The following TAF6 variants were observed in gnomAD, a reference collection of about 807,000 sequenced individuals.
TAF6 encodes the protein TATA-box binding protein associated factor 6.
In TAF6, 50 loss-of-function variants were observed where a neutral mutation model predicts 73.5. The observed-to-expected ratio is 0.68, with a 90% CI of 0.54 to 0.86. The LOEUF is 0.86. Among genes scored for constraint, TAF6 ranks in the 40% least tolerant of loss-of-function variants. TAF6 has a pLI of 0.00. For synonymous variants in TAF6, 424 were observed against 376.7 expected, an observed-to-expected ratio of 1.13 and a Z score of -1.45; for missense variants, 768 against 899.5, an observed-to-expected ratio of 0.85 and a Z score of 1.87.
At position 100,113,844 on chromosome 7, in the gene TAF6, C is replaced by G. The variant is rs571732481; in HGVS notation, c.243+24G>C. 2.0e-4 allele frequency: 326 copies of G among 1,612,684 alleles called. 1 individual carries two copies. The highest frequency in any genetic ancestry group is 2.5e-4 in the Non-Finnish European group (294 of 1,179,434). ...GGCTGAAGGATGGCGTCTCACCCCCCCCCCGCCTGTCTCCCCAAATCACCT... is the reference window on the plus strand; with the variant it reads ...GGCTGAAGGATGGCGTCTCACCCCCGCCCCGCCTGTCTCCCCAAATCACCT... On this transcript the variant is annotated intron_variant, in intron 3 of 14. Coordinates refer to ENST00000453269, the MANE Select transcript of TAF6 (RefSeq NM_139315.3).
In TAF6 at chr7:100,108,042, C is replaced by G. The variant is rs374442273; in HGVS notation, c.1540G>C (p.Ala514Pro). The part of the protein sequence containing the change: ...PGLLKVPGSI[A>P]LPVQTLVSAR... ...GACACCAGTGTCTGGACAGGAAGTG[C>G]GATGGAGCCAGGAACCTTCAGCAAG... Residue 514 changes from alanine (A) to proline (P), a missense_variant, in exon 14 of 15, where the codon GCA becomes CCA. By Grantham distance (27) the Ala-to-Pro change is conservative. Around this residue, in one of 5 missense-constraint regions of TAF6, gnomAD observed 350 missense variants for 352.3 expected, o/e 0.99. Coordinates refer to ENST00000453269, the MANE Select transcript of TAF6 (RefSeq NM_139315.3). The G allele has an allele frequency of 8.1e-6, 13 of 1,613,342 alleles. No homozygotes were observed. The highest frequency in any genetic ancestry group is 1.7e-5 in the Admixed American group (1 of 59,860).
chr7:100,123,590 G>A (rs56275746), upstream of TAF6, among the ~76,000 whole-genome samples: 1 of 151,854 alleles, frequency 6.6e-6, no homozygotes, highest in Non-Finnish European at 1.5e-5. Flanking sequence ...GCACCATCTC[G>A]GCTCACCGCG....
chr7:100,122,236 C>A (rs144817219), upstream of TAF6: 34 of 1,613,370 alleles, frequency 2.1e-5, no homozygotes, highest in South Asian at 3.7e-4. Context: ...TACCTCCCCC[C>A]GGACGTTTCT....
upstream of TAF6, among the ~76,000 whole-genome samples, chr7:100,120,653 C>G (rs1329587481): frequency 2.6e-5 from 4 of 152,232 alleles, no homozygotes; most frequent in African/African-American, 9.6e-5. Flanking sequence ...CTCTTCTCCC[C>G]TGACCTGTCA....
upstream of TAF6, chr7:100,121,075 C>T: frequency 1.2e-5 from 1 of 81,954 alleles, no homozygotes; most frequent in African/African-American, 5.1e-5. Flanking sequence ...CTATTATTAT[C>T]CAATTGTATT....
At chr7:100,124,920 G>A in the TAF6 span, 1 of 1,552,194 alleles carries the variant, frequency 6.4e-7, no homozygotes, top group South Asian at 1.3e-5. Flanking sequence ...GAGGGGAAGG[G>A]ATCATGGAGA....
rs1053488951 is a variant in TAF6 at position 100,112,807 on chromosome 7, C to T, written c.565G>A (p.Asp189Asn). 6 of 1,612,688 alleles carry T rather than the reference C, an allele frequency of 3.7e-6. No individual in the cohort carries two copies. In the South Asian group the frequency reaches 4.4e-5, roughly 12 times the overall value. The change falls in exon 6 of 15, where the codon GAC (aspartate) becomes AAC (asparagine). Residue 189 changes from aspartate (D) to asparagine (N), a missense_variant. Asp to Asn is a conservative substitution (Grantham distance 23, BLOSUM62 1). Coordinates refer to ENST00000453269, the MANE Select transcript of TAF6 (RefSeq NM_139315.3). ...GCCTAGGAGGACTGACCTTTGCCGT[C>T]GGCTGTGGTGGCCCCTTGACCTTTG... ...KGKGQGATTA[D>N]GKGKEKKAPP...
chr7:100,118,099 G>A (rs1005861391), intron 1 of TAF6, among the ~76,000 whole-genome samples: 2 of 148,552 alleles, frequency 1.3e-5, no homozygotes, highest in Admixed American at 6.8e-5. Context: ...AGTGGCTCAC[G>A]CCTGTAATTT....
chr7:100,114,494 C>CG (rs889463355), intron 1 of TAF6: 1 of 607,452 alleles, frequency 1.6e-6, no homozygotes, highest in Non-Finnish European at 2.9e-6. Context: ...ACGAGGCGGG[C>CG]GGATCACTTG....
At chr7:100,113,836 TCA>T in intron 3 of TAF6, 30 bp downstream of exon 3, 1 of 1,565,800 alleles carries the variant, frequency 6.4e-7, no homozygotes. Context: ...GGATGGCGTC[TCA>T]CCCCCCCCCC....
At chr7:100,110,747 G>A (rs1471315212) in intron 10 of TAF6, among the ~76,000 whole-genome samples, 1 of 152,204 alleles carries the variant, frequency 6.6e-6, no homozygotes, top group East Asian at 1.9e-4. Context: ...GGAGGCGGAG[G>A]TTGTGGTAAG....
intron 1 of TAF6, chr7:100,118,929 G>C (rs1797910157): frequency 1.0e-6 from 1 of 985,214 alleles, no homozygotes; most frequent in Admixed American, 6.2e-5. Context: ...CCACTTCCCT[G>C]GCGAACTCCT....
rs1018992787 is a variant in TAF6, at chr7:100,110,341, T to G, written c.1084-67A>C. On this transcript the variant is annotated intron_variant, in intron 10 of 14. Transcript: ENST00000453269. The stretch of plus-strand genomic sequence containing the variant: ...AGGATGATTGACAGGGACCTAAGTC[T>G]TTCATAGACACTTTCCTTGTAAATC... 15 of 1,524,014 alleles carry G rather than the reference T, an allele frequency of 9.8e-6. No homozygotes were observed. The African/African-American group carries it at 1.9e-4, about 19-fold the overall frequency. The allele number at this position is 1,524,014 out of a possible 1,614,324, so 94.4% of individuals were successfully genotyped here.
intron 10 of TAF6, among the ~76,000 whole-genome samples, chr7:100,110,670 G>A (rs1306045333): frequency 6.6e-6 from 1 of 152,214 alleles, no homozygotes; most frequent in African/African-American, 2.4e-5. Context: ...AATTAGCTGG[G>A]TGTGGCGGCA....
In TAF6 at chr7:100,108,396, CCTG is replaced by C. The variant is rs1294879496; in HGVS notation, c.1426_1428del (p.Gln476del). Reference sequence around the variant, plus strand: ...GTGATGGTCAGAGTGGTCCTGTTGACCTGCTGAGCCTGCAGAGCAGCCTGGGCC... The same window carrying C: ...GTGATGGTCAGAGTGGTCCTGTTGACCTGAGCCTGCAGAGCAGCCTGGGCC... On this transcript the variant is annotated inframe_deletion, in exon 13 of 15. Transcript: ENST00000453269. The C allele has an allele frequency of 6.2e-7, 1 of 1,611,862 alleles. No individual in the cohort carries two copies. Among genetic ancestry groups the C allele is most frequent in the East Asian group, 2.2e-5 (1 of 44,834 alleles).
At position 100,119,335 on chromosome 7, in the gene TAF6, C is replaced by G. The variant is rs1376505405; in HGVS notation, c.-191G>C. The G allele has an allele frequency of 6.8e-6, 7 of 1,033,986 alleles. No homozygotes were observed. The highest frequency in any genetic ancestry group is 8.1e-6 in the Non-Finnish European group (7 of 859,146). The allele number at this position is 1,033,986 out of a possible 1,614,324, so 64.1% of individuals were successfully genotyped here. ...CAGCCGAGACGCTGCTCACCCGGCG[C>G]TCGGCGCCATCTTGGCCCCGCCCCC... On this transcript the variant is annotated 5_prime_UTR_variant, in exon 1 of 15. Coordinates refer to ENST00000453269, the MANE Select transcript of TAF6 (RefSeq NM_139315.3).
At chr7:100,107,847 C>T in intron 14 of TAF6, 79 bp downstream of exon 14, 1 of 1,511,426 alleles carries the variant, frequency 6.6e-7, no homozygotes, top group Non-Finnish European at 8.9e-7. Context: ...GGGGACTGTG[C>T]TCTACTCCTG....
chr7:100,122,049 G>GAAGA (rs1798089043), upstream of TAF6: 1 of 298,406 alleles, frequency 3.4e-6, no homozygotes, highest in Non-Finnish European at 6.0e-6. Flanking sequence ...GAGTCCGTCT[G>GAAGA]AAAAAAAAAA....
upstream of TAF6, chr7:100,119,562 C>G (rs1040316275): frequency 4.2e-6 from 6 of 1,421,920 alleles, no homozygotes; most frequent in African/African-American, 7.3e-5. Context: ...AGAGGCGCCA[C>G]AAAACGGAGG....
Sources: allele counts gnomAD v4.1 joint callset (sites outside exome capture counted in the v4.1 genomes callset), GRCh38; gene constraint gnomAD v4.1.1; regional missense constraint gnomAD v4.1.1; transcripts MANE v1.5; gene names NCBI Gene and HGNC (gene_info 2026-07-23, HGNC 2026-07-21).